TTC28: variants seen among roughly 807,000 people sequenced by gnomAD.
TTC28 encodes the protein tetratricopeptide repeat domain 28.
Under a neutral mutation model 198.0 loss-of-function variants are expected in TTC28, and 61 were observed. That is an observed-to-expected ratio of 0.31 (90% confidence interval 0.25 to 0.38). The LOEUF is 0.38. Among genes scored for constraint, TTC28 ranks in the 10% least tolerant of loss-of-function variants. The probability of loss-of-function intolerance (pLI) is 1.00; values close to 1 mark genes in which losing one functional copy is unlikely to be tolerated. For missense variants in TTC28, 2,678 were observed against 3,164.0 expected (o/e 0.85, Z 3.69); for synonymous variants, 1,171 against 1,297.8 (o/e 0.90, Z 2.10).
chr22:28,559,849 C>T (rs940048850), intron 2 of TTC28, among the ~76,000 whole-genome samples: 1 of 152,172 alleles, frequency 6.6e-6, no homozygotes, highest in African/African-American at 2.4e-5. Flanking sequence ...TATACAAACA[C>T]TCTCTAAGTA....
chr22:28,530,052 G>A (rs1449912437), intron 2 of TTC28, among the ~76,000 whole-genome samples: 1 of 152,220 alleles, frequency 6.6e-6, no homozygotes, highest in Admixed American at 6.5e-5. Flanking sequence ...GCTGAACAGA[G>A]AATGACTTCG....
chr22:28,385,802 C>T (rs901680130), intron 2 of TTC28, among the ~76,000 whole-genome samples: 1 of 152,076 alleles, frequency 6.6e-6, no homozygotes, highest in African/African-American at 2.4e-5. Context: ...ACTAAATATC[C>T]CCATGCACTA....
chr22:28,107,278 T>C lies in TTC28; in HGVS notation c.2567A>G (p.Tyr856Cys), dbSNP rs891646499. The change falls in exon 7 of 23, where the codon TAC becomes TGC. Residue 856 changes from tyrosine to cysteine, a missense_variant. Transcript: ENST00000397906. ...CAGCATGGCCAATTGCTGCTCAAAG[T>C]AGCCAATGGCTTCTTCCATCACATT... ...NMNVMEEAIG[Y>C]FEQQLAMLQQ... The C allele has an allele frequency of 1.3e-6, 2 of 1,551,862 alleles. No homozygotes were observed. Among genetic ancestry groups the C allele is most frequent in the Middle Eastern group, 1.7e-4 (1 of 5,992 alleles).
chr22:28,534,194 GAACTT>G (rs2049211135), intron 2 of TTC28, among the ~76,000 whole-genome samples: 1 of 152,226 alleles, frequency 6.6e-6, no homozygotes, highest in African/African-American at 2.4e-5. Flanking sequence ...AATCTACAAA[GAACTT>G]AAAACAAATT....
At chr22:28,582,483 C>A (rs556123354) in intron 2 of TTC28, among the ~76,000 whole-genome samples, 1 of 152,160 alleles carries the variant, frequency 6.6e-6, no homozygotes, top group Non-Finnish European at 1.5e-5. Flanking sequence ...ACTAAAGACA[C>A]CACCTAATTA....
At chr22:28,635,075 A>G (rs1415145348) in intron 1 of TTC28, among the ~76,000 whole-genome samples, 1 of 152,194 alleles carries the variant, frequency 6.6e-6, no homozygotes, top group Non-Finnish European at 1.5e-5. Flanking sequence ...TAATCCCAAC[A>G]CTTTGGGAGG....
chr22:28,669,737 C>CA (rs1426108955), intron 1 of TTC28, among the ~76,000 whole-genome samples: 1 of 152,132 alleles, frequency 6.6e-6, no homozygotes, highest in Non-Finnish European at 1.5e-5. Flanking sequence ...TTTTAATTCA[C>CA]AAAAACGTTC....
At chr22:28,458,495 G>C (rs901069903) in intron 2 of TTC28, among the ~76,000 whole-genome samples, 5 of 152,106 alleles carry the variant, frequency 3.3e-5, no homozygotes, top group Non-Finnish European at 4.4e-5. Context: ...AAACAAATCA[G>C]AATGTGGTAA....
rs149921818 is a variant in TTC28 at position 28,134,356 on chromosome 22, G to A, written c.1442-25953C>T. 9.0e-3 allele frequency among the ~76,000 whole-genome samples: 1,369 copies of A among 152,338 alleles called. 11 individuals are homozygous for A. The highest frequency in any genetic ancestry group is 0.013 in the Non-Finnish European group (918 of 68,034). ...CGCCAGCAATGGAACACAGCTGGAC[G>A]GAGAATGACTTTGATGAGTTGAGAG... On this transcript the variant is annotated intron_variant, in intron 6 of 22. Coordinates refer to ENST00000397906, the MANE Select transcript of TTC28 (RefSeq NM_001145418.2).
At chr22:28,241,451 TTTAATA>T (rs1166289907) in intron 5 of TTC28, among the ~76,000 whole-genome samples, 1 of 152,120 alleles carries the variant, frequency 6.6e-6, no homozygotes, top group Non-Finnish European at 1.5e-5. Flanking sequence ...GGATAATTTA[TTTAATA>T]TTAATATAAA....
At chr22:28,075,277 AAGG>A (rs1941131022) in intron 12 of TTC28, among the ~76,000 whole-genome samples, 2 of 152,104 alleles carry the variant, frequency 1.3e-5, no homozygotes, top group African/African-American at 4.8e-5. Flanking sequence ...AGCCTTTCAG[AAGG>A]AGTAGAAATT....
chr22:28,645,114 G>A (rs906625041), intron 1 of TTC28, among the ~76,000 whole-genome samples: 3 of 151,412 alleles, frequency 2.0e-5, no homozygotes, highest in African/African-American at 4.9e-5. Flanking sequence ...CACTGCACTC[G>A]CCTGGGCGAC....
rs1601624421 is a variant in TTC28 at position 28,614,703 on chromosome 22, C to T, written c.381+14849G>A. On this transcript the variant is annotated intron_variant, in intron 2 of 22. Transcript: ENST00000397906. ...CAACAAGCAATGGGGGAAGGATTCC[C>T]TATTTAATAAATGGTGCTGGGAAAA... Among the ~76,000 whole-genome samples the T allele has an allele frequency of 2.0e-5, 3 of 152,154 alleles. No individual in the cohort carries two copies. The South Asian group carries it at 6.2e-4, about 32-fold the overall frequency.
intron 2 of TTC28, among the ~76,000 whole-genome samples, chr22:28,573,421 T>C (rs1322487219): frequency 1.3e-5 from 2 of 151,652 alleles, no homozygotes; most frequent in African/African-American, 4.8e-5. Context: ...GCCACTGCAC[T>C]CCAGCCTGGC....
chr22:28,463,180 C>T (rs2047972552), intron 2 of TTC28, among the ~76,000 whole-genome samples: 1 of 152,228 alleles, frequency 6.6e-6, no homozygotes, highest in Non-Finnish European at 1.5e-5. Context: ...AGAGCTGGAA[C>T]TTACTATCTC....
At chr22:28,675,774 C>CACAA (rs1218151866) in intron 1 of TTC28, among the ~76,000 whole-genome samples, 1 of 150,276 alleles carries the variant, frequency 6.7e-6, no homozygotes, top group Non-Finnish European at 1.5e-5. Flanking sequence ...CACACACACA[C>CACAA]AATGTAAAAA....
chr22:28,534,335 GAGAA>G (rs1419097261), intron 2 of TTC28, among the ~76,000 whole-genome samples: 1 of 152,190 alleles, frequency 6.6e-6, no homozygotes, highest in African/African-American at 2.4e-5. Context: ...CTGGCCATCA[GAGAA>G]ATGCAAATAA....
At chr22:28,286,455 C>T (rs965650216) in intron 5 of TTC28, among the ~76,000 whole-genome samples, 7 of 152,136 alleles carry the variant, frequency 4.6e-5, no homozygotes, top group South Asian at 2.1e-4. Context: ...AGAGCTTATT[C>T]TACATTTACA....
intron 2 of TTC28, among the ~76,000 whole-genome samples, chr22:28,582,551 C>T (rs2050247390): frequency 6.6e-6 from 1 of 151,924 alleles, no homozygotes; most frequent in South Asian, 2.1e-4. Flanking sequence ...AGATTGAAAT[C>T]CATGAAATGA....
Sources: allele counts gnomAD v4.1 joint callset (sites outside exome capture counted in the v4.1 genomes callset), GRCh38; gene constraint gnomAD v4.1.1; transcripts MANE v1.5; gene names NCBI Gene and HGNC (gene_info 2026-07-23, HGNC 2026-07-21).